Variants in JARID2 observed in about 807,000 individuals in gnomAD.
JARID2 encodes jumonji and AT-rich interaction domain containing 2, also known as protein Jumonji.
Under a neutral mutation model 125.6 loss-of-function variants are expected in JARID2, and 21 were observed. The observed-to-expected ratio is 0.17, with a 90% CI of 0.12 to 0.24. The LOEUF (loss-of-function observed/expected upper bound fraction) is 0.24. Ranked by LOEUF, JARID2 falls within the 10% of genes least tolerant of loss-of-function variation. The pLI is 1.00. For synonymous variants in JARID2, 736 were observed against 661.6 expected, an observed-to-expected ratio of 1.11 and a Z score of -1.73; for missense variants, 1,303 against 1,639.6, an observed-to-expected ratio of 0.79 and a Z score of 3.55.
chr6:15,373,049 A>C (rs1764230147), intron 1 of JARID2, among the ~76,000 whole-genome samples: 1 of 152,178 alleles, frequency 6.6e-6, no homozygotes, highest in African/African-American at 2.4e-5. Flanking sequence ...TGCTTAATTA[A>C]GTCTGATGTA....
intron 1 of JARID2, among the ~76,000 whole-genome samples, chr6:15,262,098 TTGTC>T (rs1331222500): frequency 6.6e-6 from 1 of 151,784 alleles, no homozygotes; most frequent in Non-Finnish European, 1.5e-5. Context: ...GGTTTTGACT[TTGTC>T]TGAGTAGGCA....
intron 1 of JARID2, among the ~76,000 whole-genome samples, chr6:15,372,785 C>T (rs1324472858): frequency 1.3e-5 from 2 of 152,150 alleles, no homozygotes; most frequent in East Asian, 3.9e-4. Context: ...TCTCAGCTCA[C>T]TGCCACCTTT....
chr6:15,432,210 C>T (rs1042263237), intron 3 of JARID2, among the ~76,000 whole-genome samples: 1 of 152,118 alleles, frequency 6.6e-6, no homozygotes, highest in East Asian at 1.9e-4. Flanking sequence ...GGGTGGATCT[C>T]TTGAGGTCAG....
At chr6:15,384,883 T>G (rs571186294) in intron 2 of JARID2, among the ~76,000 whole-genome samples, 5 of 152,230 alleles carry the variant, frequency 3.3e-5, no homozygotes, top group Non-Finnish European at 5.9e-5. Flanking sequence ...TTAGTGAACC[T>G]GTTTGAAACT....
Position 15,377,241 on chromosome 6 carries a change from G to A in JARID2, c.181+2989G>A, listed in dbSNP as rs560375611. 2.6e-5 allele frequency among the ~76,000 whole-genome samples: 4 copies of A among 152,264 alleles called. No homozygotes were observed. The East Asian group carries it at 7.7e-4, about 29-fold the overall frequency. On this transcript the variant is annotated intron_variant, in intron 2 of 17. Coordinates refer to ENST00000341776, the MANE Select transcript of JARID2 (RefSeq NM_004973.4). Reference sequence around the variant, plus strand: ...ACTTACAGTTCCTCATGCCTGGGGAGGCCTCAGAGTCATGGAGGGAGGTGA... The same window carrying A: ...ACTTACAGTTCCTCATGCCTGGGGAAGCCTCAGAGTCATGGAGGGAGGTGA...
intron 1 of JARID2, among the ~76,000 whole-genome samples, chr6:15,262,642 A>G (rs922837391): frequency 3.3e-5 from 5 of 150,982 alleles, no homozygotes; most frequent in African/African-American, 7.3e-5. Flanking sequence ...TGTTCAAGCA[A>G]TTCTCTTGCC....
intron 5 of JARID2, among the ~76,000 whole-genome samples, chr6:15,483,998 A>AC (rs1170986136): frequency 6.6e-6 from 1 of 152,054 alleles, no homozygotes; most frequent in African/African-American, 2.4e-5. Context: ...CTTATAGTTA[A>AC]CCTACCATTT....
At chr6:15,288,315 A>G (rs1313044955) in intron 1 of JARID2, among the ~76,000 whole-genome samples, 1 of 140,730 alleles carries the variant, frequency 7.1e-6, no homozygotes, top group Non-Finnish European at 1.6e-5. Flanking sequence ...GGGGTTGGAG[A>G]AAAGGGGAGA....
Position 15,479,010 on chromosome 6 carries a change from C to T in JARID2, c.671-8297C>T, listed in dbSNP as rs181271663. On this transcript the variant is annotated intron_variant, in intron 5 of 17. Coordinates refer to ENST00000341776, the MANE Select transcript of JARID2 (RefSeq NM_004973.4). ...CCCAAAACTGCAGAAACATTTTATTCGTGTGTTCTTTACGAGTTAACGCCA... is the reference window on the plus strand; with the variant it reads ...CCCAAAACTGCAGAAACATTTTATTTGTGTGTTCTTTACGAGTTAACGCCA... Among the ~76,000 whole-genome samples, 219 of 152,264 alleles carry T rather than the reference C, an allele frequency of 1.4e-3. 1 individual carries two copies. The highest frequency in any genetic ancestry group is 1.8e-3 in the African/African-American group (74 of 41,544).
chr6:15,345,586 T>C (rs142089849), intron 1 of JARID2, among the ~76,000 whole-genome samples: 109 of 152,358 alleles, frequency 7.2e-4, no homozygotes, highest in African/African-American at 2.5e-3. Context: ...TAATTAAACA[T>C]ATTAATTTAT....
chr6:15,247,969 A>G, intron 1 of JARID2: 1 of 985,460 alleles, frequency 1.0e-6, no homozygotes, highest in Non-Finnish European at 1.2e-6. Flanking sequence ...TCCGTTTCGG[A>G]TGCAGCCACA....
intron 2 of JARID2, chr6:15,400,945 C>T: frequency 2.3e-6 from 3 of 1,289,536 alleles, no homozygotes; most frequent in Non-Finnish European, 3.0e-6. Flanking sequence ...TGATCCGGCT[C>T]TGAGGATGGC....
At chr6:15,500,061 T>TTA (rs1339724253) in intron 7 of JARID2, among the ~76,000 whole-genome samples, 2 of 152,212 alleles carry the variant, frequency 1.3e-5, no homozygotes, top group Non-Finnish European at 2.9e-5. Context: ...TTGTTGATGG[T>TTA]TATTTTGGAA....
chr6:15,480,701 A>C (rs1668361734), intron 5 of JARID2, among the ~76,000 whole-genome samples: 1 of 152,356 alleles, frequency 6.6e-6, no homozygotes, highest in Middle Eastern at 3.4e-3. Flanking sequence ...AAGCACTTAT[A>C]TACTTTATTC....
At chr6:15,402,022 A>AACT (rs1765458476) in intron 2 of JARID2, among the ~76,000 whole-genome samples, 1 of 151,868 alleles carries the variant, frequency 6.6e-6, no homozygotes. Flanking sequence ...GAAACAGGGG[A>AACT]ACTACTGTCC....
chr6:15,493,376 G>T (rs1447407377), intron 6 of JARID2, among the ~76,000 whole-genome samples: 1 of 152,180 alleles, frequency 6.6e-6, no homozygotes, highest in Non-Finnish European at 1.5e-5. Flanking sequence ...GGAAAACACT[G>T]AACTAAACCT....
At chr6:15,420,573 TTCC>T (rs1361739776) in intron 3 of JARID2, among the ~76,000 whole-genome samples, 1 of 152,334 alleles carries the variant, frequency 6.6e-6, no homozygotes, top group East Asian at 1.9e-4. Flanking sequence ...TTGATTAATC[TTCC>T]TCCTCATCAG....
chr6:15,307,887 A>G (rs935451009), intron 1 of JARID2, among the ~76,000 whole-genome samples: 16 of 152,256 alleles, frequency 1.1e-4, no homozygotes, highest in Admixed American at 9.2e-4. Flanking sequence ...TCCAAGAAAT[A>G]CAGACTCCCA....
intron 1 of JARID2, among the ~76,000 whole-genome samples, chr6:15,372,611 CTCAAAGTGCTGGGATT>C (rs1380157325): frequency 5.9e-5 from 9 of 152,188 alleles, no homozygotes; most frequent in Non-Finnish European, 8.8e-5. Flanking sequence ...GCCTTGTCCT[CTCAAAGTGCTGGGATT>C]ACAGGCATGA....
Sources: gnomAD v4.1 joint callset for allele counts (sites outside exome capture counted in the v4.1 genomes callset) on GRCh38, gnomAD v4.1.1 for gene constraint, MANE v1.5 for transcripts, NCBI Gene and HGNC (gene_info 2026-07-23, HGNC 2026-07-21) for gene names.